The following RNF216 variants were observed in gnomAD, a reference collection of about 807,000 sequenced individuals.
The protein encoded by RNF216 is E3 ubiquitin-protein ligase RNF216.
In RNF216, 72 loss-of-function variants were observed where a neutral mutation model predicts 110.8. That is an observed-to-expected ratio of 0.65 (90% CI 0.54 to 0.79). RNF216 has a LOEUF of 0.79. RNF216 is among the 30% of genes least tolerant of loss of function. RNF216 has a pLI of 0.00. For missense variants in RNF216, 1,342 were observed against 1,141.2 expected (o/e 1.18, Z -2.54); for synonymous variants, 495 against 407.5 (o/e 1.21, Z -2.59).
intron 13 of RNF216, among the ~76,000 whole-genome samples, chr7:5,698,541 C>A (rs976284514): frequency 7.9e-5 from 12 of 152,146 alleles, no homozygotes; most frequent in African/African-American, 2.9e-4. Context: ...AGATGCACAG[C>A]ACCCATGCCT....
chr7:5,634,050 C>T (rs1787245686), intron 15 of RNF216, among the ~76,000 whole-genome samples: 1 of 152,216 alleles, frequency 6.6e-6, no homozygotes. Context: ...TAATCAGCAG[C>T]CACAGGCTGA....
chr7:5,747,356 G>A (rs764748077), intron 3 of RNF216, among the ~76,000 whole-genome samples: 7 of 152,172 alleles, frequency 4.6e-5, no homozygotes, highest in Non-Finnish European at 5.9e-5. Context: ...GGGAAGGAGA[G>A]GGAGTAAAAA....
At chr7:5,776,420 T>TAAA (rs76385326) in intron 1 of RNF216, among the ~76,000 whole-genome samples, 1 of 134,842 alleles carries the variant, frequency 7.4e-6, no homozygotes, top group African/African-American at 2.7e-5. Context: ...CGTCTCTACT[T>TAAA]AAAAAAAAAA....
chr7:5,744,981 A>C (rs546129380), intron 3 of RNF216, among the ~76,000 whole-genome samples: 4 of 150,232 alleles, frequency 2.7e-5, no homozygotes, highest in Non-Finnish European at 3.0e-5. Context: ...TCCAAAAAGA[A>C]AAAAAAAAAA....
chr7:5,670,947 A>T (rs747613195), intron 13 of RNF216, among the ~76,000 whole-genome samples: 1 of 152,162 alleles, frequency 6.6e-6, no homozygotes, highest in Non-Finnish European at 1.5e-5. Context: ...TCCCTTCCCT[A>T]GGAGGCCTAG....
intron 13 of RNF216, among the ~76,000 whole-genome samples, chr7:5,704,459 A>G (rs1298982608): frequency 6.6e-6 from 1 of 152,258 alleles, no homozygotes; most frequent in Non-Finnish European, 1.5e-5. Flanking sequence ...AATTTGCACA[A>G]CTGAGAAAGG....
chr7:5,659,653 G>A (rs188918664), intron 13 of RNF216, among the ~76,000 whole-genome samples: 44 of 152,342 alleles, frequency 2.9e-4, no homozygotes, highest in Non-Finnish European at 5.7e-4. Context: ...GGACCTTGCA[G>A]CACCCCCTTT....
At chr7:5,637,669 G>A (rs1420717535) in intron 15 of RNF216, among the ~76,000 whole-genome samples, 1 of 152,098 alleles carries the variant, frequency 6.6e-6, no homozygotes, top group African/African-American at 2.4e-5. Context: ...GGAAGGAGCT[G>A]GGAACACAGG....
intron 15 of RNF216, among the ~76,000 whole-genome samples, chr7:5,629,719 C>T (rs1049580605): frequency 1.1e-4 from 16 of 146,838 alleles, no homozygotes; most frequent in Non-Finnish European, 1.8e-4. Context: ...CTCAACTACT[C>T]GGGAGGCTGA....
Position 5,680,727 on chromosome 7 carries a change from A to G in RNF216, c.2062-28217T>C, listed in dbSNP as rs1790597668. On this transcript the variant is annotated intron_variant, in intron 13 of 16. Coordinates refer to ENST00000389902, the MANE Select transcript of RNF216 (RefSeq NM_207111.4). This position sits in a 1 kb window ranked among gnomAD's most constrained non-coding sequence, Gnocchi z 4.3. Reference sequence around the variant, plus strand: ...CTCAACACTTCTACTTGGATATCTAAAAGGCACCCCAGACAAAAGATGTCT... The same window carrying G: ...CTCAACACTTCTACTTGGATATCTAGAAGGCACCCCAGACAAAAGATGTCT... Among the ~76,000 whole-genome samples, 1 of 151,958 alleles carries G rather than the reference A, an allele frequency of 6.6e-6. No individual in the cohort carries two copies. Among genetic ancestry groups the G allele is most frequent in the African/African-American group, 2.4e-5 (1 of 41,334 alleles).
intron 13 of RNF216, among the ~76,000 whole-genome samples, chr7:5,653,465 G>C (rs1788523530): frequency 6.6e-6 from 1 of 151,740 alleles, no homozygotes; most frequent in African/African-American, 2.4e-5. Flanking sequence ...GCTGGGCGTG[G>C]TGGCAGGCGC....
intron 3 of RNF216, among the ~76,000 whole-genome samples, chr7:5,742,584 A>ATT (rs1794819842): frequency 7.3e-6 from 1 of 137,172 alleles, no homozygotes; most frequent in African/African-American, 2.8e-5. Flanking sequence ...ATGGTGAAAA[A>ATT]TCTTTTTTTT....
intron 14 of RNF216, among the ~76,000 whole-genome samples, chr7:5,651,946 C>A (rs1157271498): frequency 1.3e-5 from 2 of 152,176 alleles, no homozygotes; most frequent in Non-Finnish European, 1.5e-5. Flanking sequence ...TGCGCCTGGC[C>A]TGCATTTTAA....
chr7:5,727,122 C>G (rs559352348), intron 7 of RNF216, among the ~76,000 whole-genome samples: 1 of 152,112 alleles, frequency 6.6e-6, no homozygotes, highest in Non-Finnish European at 1.5e-5. Context: ...CAATGAGAAG[C>G]GGGGTGGCTA....
intron 3 of RNF216, among the ~76,000 whole-genome samples, chr7:5,748,325 C>T (rs1029540967): frequency 6.6e-6 from 1 of 152,174 alleles, no homozygotes; most frequent in African/African-American, 2.4e-5. Context: ...CCCAGGGAAG[C>T]TCTGGTTAGT....
At chr7:5,695,734 T>C (rs1278989555) in intron 13 of RNF216, among the ~76,000 whole-genome samples, 2 of 152,220 alleles carry the variant, frequency 1.3e-5, no homozygotes, top group Admixed American at 1.3e-4. Context: ...ACACCAGGCA[T>C]TCACAGAGGG....
chr7:5,637,061 G>A (rs1425624687), intron 15 of RNF216, among the ~76,000 whole-genome samples: 1 of 152,114 alleles, frequency 6.6e-6, no homozygotes, highest in Admixed American at 6.6e-5. Context: ...ATGAAATACT[G>A]CCTGTGGAGC....
chr7:5,649,065 C>G (rs1371085680), intron 14 of RNF216, among the ~76,000 whole-genome samples: 1 of 152,106 alleles, frequency 6.6e-6, no homozygotes, highest in Non-Finnish European at 1.5e-5. Context: ...TGCTTGAAAA[C>G]ACTATAGCAG....
chr7:5,654,750 G>A (rs989240119), intron 13 of RNF216, among the ~76,000 whole-genome samples: 2 of 149,172 alleles, frequency 1.3e-5, no homozygotes, highest in Admixed American at 1.3e-4. Context: ...GGGGCAGAGA[G>A]GAGCTGACAG....
Sources: allele counts gnomAD v4.1 joint callset (sites outside exome capture counted in the v4.1 genomes callset), GRCh38; gene constraint gnomAD v4.1.1; non-coding constraint Gnocchi (gnomAD v3.1); transcripts MANE v1.5; gene names NCBI Gene and HGNC (gene_info 2026-07-23, HGNC 2026-07-21).